The following RBFOX1 variants were observed in gnomAD, a reference collection of about 807,000 sequenced individuals.
RBFOX1 encodes the protein RNA binding protein fox-1 homolog 1.
A neutral mutation model predicts 57.7 loss-of-function variants in RBFOX1; 8 were observed. The observed-to-expected ratio is 0.14, with a 90% CI of 0.08 to 0.25. The LOEUF is 0.25. Ranked by LOEUF, RBFOX1 falls within the 10% of genes least tolerant of loss-of-function variation. The pLI is 1.00. For missense variants in RBFOX1, 611 were observed against 548.5 expected (o/e 1.11, Z -1.14); for synonymous variants, 326 against 222.4 (o/e 1.47, Z -4.15).
chr16:7,048,258 T>TTTTGTTTGTTTG (rs557551646), intron 3 of RBFOX1, among the ~76,000 whole-genome samples: 2 of 151,766 alleles, frequency 1.3e-5, no homozygotes, highest in Admixed American at 6.6e-5. Context: ...TTTTGTTTTG[T>TTTTGTTTGTTTG]TTTGTTTGTT....
chr16:7,230,728 T>G (rs1445084005), intron 4 of RBFOX1, among the ~76,000 whole-genome samples: 1 of 152,206 alleles, frequency 6.6e-6, no homozygotes, highest in Admixed American at 6.5e-5. Flanking sequence ...AGGCCACTTC[T>G]GTCAACTTAG....
At chr16:6,257,889 A>G (rs1341989204) in intron 1 of RBFOX1, among the ~76,000 whole-genome samples, 4 of 152,162 alleles carry the variant, frequency 2.6e-5, no homozygotes, top group Non-Finnish European at 5.9e-5. Flanking sequence ...GAACATACAC[A>G]TGGATGTGTC....
chr16:6,649,259 C>A (rs1330427996), intron 2 of RBFOX1, among the ~76,000 whole-genome samples: 1 of 152,230 alleles, frequency 6.6e-6, no homozygotes, highest in Non-Finnish European at 1.5e-5. Context: ...CATGTCATCA[C>A]AGTGACAGGC....
Position 6,080,547 on chromosome 16 carries a change from A to G in RBFOX1, c.-127+60555A>G, listed in dbSNP as rs1338305686. On this transcript the variant is annotated intron_variant, in intron 1 of 15. Coordinates refer to ENST00000550418, the MANE Select transcript of RBFOX1 (RefSeq NM_018723.4). ...TTGAAGAAACTTACAATGAATGCAT[A>G]ATTAAGATAGGGATATTTACTGCAA... Among the ~76,000 whole-genome samples the G allele has an allele frequency of 3.3e-5, 5 of 152,326 alleles. No homozygotes were observed. In the East Asian group the frequency reaches 9.7e-4, roughly 29 times the overall value.
At chr16:7,523,852 A>G (rs2078062983) in intron 5 of RBFOX1, among the ~76,000 whole-genome samples, 1 of 152,204 alleles carries the variant, frequency 6.6e-6, no homozygotes. Context: ...AACGTGGTCT[A>G]TGACAAGTTT....
chr16:5,648,565 C>A (rs1251791212), intron 3 of RBFOX1, among the ~76,000 whole-genome samples: 2 of 152,076 alleles, frequency 1.3e-5, no homozygotes, highest in Non-Finnish European at 2.9e-5. Context: ...ACCAGGGATG[C>A]TGCTCTGTGC....
intron 2 of RBFOX1, among the ~76,000 whole-genome samples, chr16:5,562,902 G>A (rs998746111): frequency 1.3e-5 from 2 of 152,150 alleles, no homozygotes; most frequent in Non-Finnish European, 2.9e-5. Flanking sequence ...TGTCTCAGGA[G>A]GAATATGCAG....
chr16:6,361,760 G>A (rs1025813698), intron 2 of RBFOX1, among the ~76,000 whole-genome samples: 13 of 152,086 alleles, frequency 8.5e-5, no homozygotes, highest in Admixed American at 2.0e-4. Context: ...GGGCACAGGC[G>A]TCAGTGTATT....
intron 3 of RBFOX1, among the ~76,000 whole-genome samples, chr16:6,872,268 C>G (rs12149506): frequency 0.2 from 30,684 of 152,120 alleles, 3,292 homozygotes; most frequent in East Asian, 0.28. Flanking sequence ...TAAAACACAT[C>G]TATCCAGTTG....
chr16:5,945,811 G>C (rs1353547773), intron 4 of RBFOX1, among the ~76,000 whole-genome samples: 2 of 152,156 alleles, frequency 1.3e-5, no homozygotes, highest in Non-Finnish European at 2.9e-5. Context: ...ATCCTGCTCA[G>C]ACCATCTGGG....
chr16:7,570,625 A>G (rs1336078764), intron 5 of RBFOX1, among the ~76,000 whole-genome samples: 1 of 152,204 alleles, frequency 6.6e-6, no homozygotes, highest in Admixed American at 6.5e-5. Context: ...ACCTAGCCAT[A>G]AATATTCCTT....
At chr16:5,719,924 G>T (rs913093633) in intron 3 of RBFOX1, among the ~76,000 whole-genome samples, 1 of 152,134 alleles carries the variant, frequency 6.6e-6, no homozygotes, top group African/African-American at 2.4e-5. Flanking sequence ...ATATTTAGAA[G>T]TTCAGCTGCT....
chr16:6,701,700 C>T (rs1163531567), intron 3 of RBFOX1, among the ~76,000 whole-genome samples: 1 of 152,110 alleles, frequency 6.6e-6, no homozygotes. Context: ...TGGAATCAAC[C>T]TGAATGCCCA....
intron 4 of RBFOX1, among the ~76,000 whole-genome samples, chr16:5,919,026 A>G (rs781077805): frequency 2.6e-5 from 4 of 152,206 alleles, no homozygotes; most frequent in African/African-American, 9.7e-5. Flanking sequence ...TTTGCCTCTC[A>G]GGAAGGAATC....
intron 4 of RBFOX1, among the ~76,000 whole-genome samples, chr16:5,990,351 G>A (rs2060370839): frequency 6.6e-6 from 1 of 152,164 alleles, no homozygotes; most frequent in African/African-American, 2.4e-5. Context: ...CTGGCCTTGG[G>A]CAATGAACTA....
chr16:6,184,054 C>A (rs1434418011), intron 1 of RBFOX1, among the ~76,000 whole-genome samples: 1 of 152,172 alleles, frequency 6.6e-6, no homozygotes, highest in Non-Finnish European at 1.5e-5. Context: ...GCATGTTTTA[C>A]ATGGTGGCAG....
chr16:7,258,375 C>T lies in RBFOX1; in HGVS notation c.27+206277C>T, dbSNP rs556332460. Among the ~76,000 whole-genome samples, 5 of 152,176 alleles carry T rather than the reference C, an allele frequency of 3.3e-5. No homozygotes were observed. The East Asian group carries it at 9.7e-4, about 29-fold the overall frequency. ...AATTATTGACTGTATATTTGAGATTCATGTCTAAATACACTTAACTTGGGA... is the reference window on the plus strand; with the variant it reads ...AATTATTGACTGTATATTTGAGATTTATGTCTAAATACACTTAACTTGGGA... On this transcript the variant is annotated intron_variant, in intron 4 of 15. Coordinates refer to ENST00000550418, the MANE Select transcript of RBFOX1 (RefSeq NM_018723.4).
chr16:5,315,253 G>A (rs1161493522), intron 1 of RBFOX1, among the ~76,000 whole-genome samples: 2 of 152,200 alleles, frequency 1.3e-5, no homozygotes, highest in East Asian at 3.8e-4. Context: ...TGGGACGGGG[G>A]AGGAGGCCGT....
At chr16:6,353,066 ACTT>A (rs1343582536) in intron 2 of RBFOX1, among the ~76,000 whole-genome samples, 3 of 152,146 alleles carry the variant, frequency 2.0e-5, no homozygotes, top group South Asian at 2.1e-4. Context: ...TGCCTAAGTA[ACTT>A]CTTCTTTTGA....
Sources: allele counts gnomAD v4.1 joint callset (sites outside exome capture counted in the v4.1 genomes callset), GRCh38; gene constraint gnomAD v4.1.1; transcripts MANE v1.5; gene names NCBI Gene and HGNC (gene_info 2026-07-23, HGNC 2026-07-21).